MYPN: variants seen among roughly 807,000 people sequenced by gnomAD.
MYPN encodes myopalladin.
In MYPN, 63 loss-of-function variants were observed where a neutral mutation model predicts 129.4. The ratio of observed to expected loss-of-function variants is 0.49; its 90% confidence interval spans 0.40 to 0.60. The LOEUF (loss-of-function observed/expected upper bound fraction) is 0.60. Ranked by LOEUF, MYPN falls within the 20% of genes least tolerant of loss-of-function variation. The pLI is 0.00. For synonymous variants in MYPN, 629 were observed against 600.9 expected (o/e 1.05, Z -0.68); for missense variants, 1,596 against 1,635.4 (o/e 0.98, Z 0.42).
At chr10:68,093,303 A>G (rs2041939333) in intron 1 of MYPN, among the ~76,000 whole-genome samples, 1 of 152,190 alleles carries the variant, frequency 6.6e-6, no homozygotes, top group South Asian at 2.1e-4. Flanking sequence ...AAATGGCTTA[A>G]AATTCTTGAC....
intron 6 of MYPN, among the ~76,000 whole-genome samples, chr10:68,156,441 G>T (rs1370634975): frequency 6.6e-6 from 1 of 152,190 alleles, no homozygotes; most frequent in African/African-American, 2.4e-5. Flanking sequence ...ATAATAACAA[G>T]ATTTTTCTGT....
intron 1 of MYPN, among the ~76,000 whole-genome samples, chr10:68,090,170 C>CT (rs892306572): frequency 3.6e-4 from 53 of 149,282 alleles, no homozygotes; most frequent in East Asian, 2.7e-3. Flanking sequence ...TCAATGAACA[C>CT]TTTTTTTTTT....
chr10:68,203,351 G>A (rs546396106), intron 18 of MYPN, among the ~76,000 whole-genome samples: 115 of 152,224 alleles, frequency 7.6e-4, no homozygotes, highest in Non-Finnish European at 9.1e-4. Flanking sequence ...CATTTTGGGA[G>A]GCCAAGGCAG....
chr10:68,178,707 T>G, intron 12 of MYPN, among the ~76,000 whole-genome samples: 1 of 93,334 alleles, frequency 1.1e-5, no homozygotes, highest in Non-Finnish European at 2.5e-5. Flanking sequence ...AGCGAGACTC[T>G]GCCTCAAAAA....
At chr10:68,111,300 C>A (rs2042078044) in intron 1 of MYPN, among the ~76,000 whole-genome samples, 1 of 152,116 alleles carries the variant, frequency 6.6e-6, no homozygotes, top group African/African-American at 2.4e-5. Context: ...TTCAATTTTT[C>A]AACAGTTAGT....
chr10:68,100,740 CA>C (rs1467690020), intron 1 of MYPN, among the ~76,000 whole-genome samples: 2 of 152,080 alleles, frequency 1.3e-5, no homozygotes, highest in East Asian at 3.8e-4. Flanking sequence ...AAGTCTTTTT[CA>C]AAAGCAAGAA....
chr10:68,114,297 G>T (rs1374692660), intron 1 of MYPN: 1 of 151,094 alleles, frequency 6.6e-6, no homozygotes, highest in Non-Finnish European at 1.5e-5. Flanking sequence ...ATGTCCAAAG[G>T]TATCAGCCTC....
chr10:68,143,086 A>G lies in MYPN; in HGVS notation c.1049A>G (p.Asp350Gly). Residue 350 changes from aspartate (D) to glycine (G), a missense_variant, in exon 3 of 20, where the codon GAT (aspartate) becomes GGT (glycine). Physicochemically the swap from Asp to Gly is moderately conservative, Grantham distance 94. Transcript: ENST00000358913. ...TTTGCTTCTAACATCTATGGGACAG[A>G]TTCGACTTCTGCTGAGATTTATATA... ...SCFASNIYGTDSTSAEIYIEG... is the reference protein window; with the variant it reads ...SCFASNIYGTGSTSAEIYIEG... The G allele has an allele frequency of 6.2e-7, 1 of 1,614,154 alleles. No individual in the cohort carries two copies. Among genetic ancestry groups the G allele is most frequent in the Non-Finnish European group, 8.5e-7 (1 of 1,180,008 alleles).
intron 10 of MYPN, among the ~76,000 whole-genome samples, chr10:68,168,708 G>A (rs1173415512): frequency 6.6e-6 from 1 of 152,126 alleles, no homozygotes; most frequent in Admixed American, 6.5e-5. Flanking sequence ...GTTAAGTTTT[G>A]TCTGAAAACT....
In MYPN at chr10:68,160,429, C is replaced by CAAAAA. The variant is rs56201900; in HGVS notation, c.1460-1278_1460-1274dup. The stretch of plus-strand genomic sequence containing the variant: ...TGAGCAACAGAGTGAGACCTTATCT[C>CAAAAA]AAAAAAAAAAAAAAAAAAAAAAAAA... On this transcript the variant is annotated intron_variant, in intron 7 of 19. Coordinates refer to ENST00000358913, the MANE Select transcript of MYPN (RefSeq NM_032578.4). Among the ~76,000 whole-genome samples the CAAAAA allele has an allele frequency of 6.1e-4, 38 of 62,086 alleles. 4 individuals are homozygous for CAAAAA. Among genetic ancestry groups the CAAAAA allele is most frequent in the African/African-American group, 2.7e-3 (35 of 12,936 alleles). The allele number at this position is 62,086 out of a possible 152,430, so 40.7% of individuals were successfully genotyped here.
chr10:68,191,216 C>CT (rs56335317), intron 13 of MYPN, among the ~76,000 whole-genome samples: 139,913 of 144,358 alleles, frequency 0.97, 67,863 homozygotes, highest in East Asian at 0.99. Context: ...TTTTCTATTT[C>CT]TTTTTTTTTT....
Position 68,189,224 on chromosome 10 carries a change from T to C in MYPN, c.2925+98T>C, listed in dbSNP as rs984982120. ...AAAAAATATACGCAATGTTTTTTCT[T>C]CTTTTTTGTATTTGTTATTGATATA... On this transcript the variant is annotated intron_variant, in intron 13 of 19. Coordinates refer to ENST00000358913, the MANE Select transcript of MYPN (RefSeq NM_032578.4). 5.8e-6 allele frequency: 5 copies of C among 864,802 alleles called. 1 individual carries two copies. The highest frequency in any genetic ancestry group is 4.9e-4 in the Middle Eastern group (2 of 4,106). The allele number at this position is 864,802 out of a possible 1,614,324, so 53.6% of individuals were successfully genotyped here.
At chr10:68,138,132 G>A (rs2042516296) in intron 2 of MYPN, among the ~76,000 whole-genome samples, 1 of 147,156 alleles carries the variant, frequency 6.8e-6, no homozygotes, top group Non-Finnish European at 1.5e-5. Context: ...TTGAGATGGA[G>A]TCTCACGTCG....
intron 1 of MYPN, among the ~76,000 whole-genome samples, chr10:68,112,780 C>T (rs1471871528): frequency 6.6e-6 from 1 of 152,096 alleles, no homozygotes; most frequent in African/African-American, 2.4e-5. Flanking sequence ...ATTACTAATG[C>T]CGTTCACACG....
chr10:68,173,855 C>T (rs1159066073), intron 10 of MYPN, among the ~76,000 whole-genome samples: 4 of 140,986 alleles, frequency 2.8e-5, no homozygotes, highest in Admixed American at 1.5e-4. Flanking sequence ...TTGTTAGAGA[C>T]GGGGTTTCAC....
At chr10:68,096,493 C>G (rs1014765066) in intron 1 of MYPN, among the ~76,000 whole-genome samples, 1 of 152,122 alleles carries the variant, frequency 6.6e-6, no homozygotes, top group South Asian at 2.1e-4. Context: ...ACCTGGGAGG[C>G]GGAGGTTGCA....
chr10:68,122,417 G>C, intron 2 of MYPN, 77 bp downstream of exon 2: 1 of 1,495,738 alleles, frequency 6.7e-7, no homozygotes, highest in Non-Finnish European at 9.3e-7. Context: ...TATCATTTAA[G>C]CACCTGGTTT....
intron 18 of MYPN, among the ~76,000 whole-genome samples, chr10:68,202,395 G>T (rs1200528123): frequency 6.6e-6 from 1 of 151,784 alleles, no homozygotes; most frequent in Non-Finnish European, 1.5e-5. Context: ...ATTGCGCCAC[G>T]GGACTCCAGC....
In MYPN at chr10:68,165,661, C is replaced by T. The variant is rs770094574; in HGVS notation, c.1484-41C>T. 3 of 1,410,206 alleles carry T rather than the reference C, an allele frequency of 2.1e-6. No individual in the cohort carries two copies. In the Admixed American group the frequency reaches 5.0e-5, roughly 24 times the overall value. 87.4% of individuals were successfully genotyped at this position (1,410,206 alleles called of 1,614,324 possible). On this transcript the variant is annotated intron_variant, in intron 8 of 19. Transcript: ENST00000358913. The stretch of plus-strand genomic sequence containing the variant: ...CCAGTAAATTCTATAATTCTGTTTT[C>T]ATAATGAAGTCAGTAACCATTCTGT...
Sources: allele counts gnomAD v4.1 joint callset (sites outside exome capture counted in the v4.1 genomes callset), GRCh38; gene constraint gnomAD v4.1.1; transcripts MANE v1.5; gene names NCBI Gene and HGNC (gene_info 2026-07-23, HGNC 2026-07-21).